PLAC1: variants seen among roughly 807,000 people sequenced by gnomAD.
PLAC1 encodes the protein placenta-specific protein 1.
For missense variants in PLAC1, 136 were observed against 163.2 expected (o/e 0.83, Z 0.91); for synonymous variants, 68 against 62.1 (o/e 1.09, Z -0.44).
intron 2 of PLAC1, among the ~76,000 whole-genome samples, chrX:134,581,769 G>C (rs1044379832): frequency 3.0e-4 from 33 of 110,855 alleles, no homozygotes; most frequent in Non-Finnish European, 5.7e-5. Context: ...GTGAGCCACC[G>C]AGCCCGGCCC....
chrX:134,741,891 T>A (rs972839780), intron 1 of PLAC1, among the ~76,000 whole-genome samples: 3 of 110,941 alleles, frequency 2.7e-5, no homozygotes, highest in Non-Finnish European at 5.7e-5. Context: ...AAGTCAGCCC[T>A]TGCCAGAACT....
chrX:134,648,814 T>C (rs1394751323), intron 1 of PLAC1, among the ~76,000 whole-genome samples: 1 of 112,299 alleles, frequency 8.9e-6, no homozygotes, highest in Admixed American at 9.4e-5. Context: ...GGACCCAGTT[T>C]ACTCAGACTC....
At chrX:134,567,820 G>A (rs1390634886) in intron 2 of PLAC1, among the ~76,000 whole-genome samples, 1 of 100,252 alleles carries the variant, frequency 1.0e-5, no homozygotes, top group Non-Finnish European at 2.0e-5. Flanking sequence ...GAGAGGGAGG[G>A]AGGGAGGGAG....
At chrX:134,671,570 C>A (rs915108732) in intron 2 of PLAC1, among the ~76,000 whole-genome samples, 2 of 109,208 alleles carry the variant, frequency 1.8e-5, no homozygotes, top group Non-Finnish European at 3.8e-5. Flanking sequence ...GAAGCAAGCA[C>A]GTCTTACCAT....
chrX:134,590,728 C>T (rs1322740326), intron 2 of PLAC1, among the ~76,000 whole-genome samples: 1 of 110,880 alleles, frequency 9.0e-6, no homozygotes, highest in Non-Finnish European at 1.9e-5. Context: ...CCACCAGCCT[C>T]CTGGGTAGCT....
intron 2 of PLAC1, among the ~76,000 whole-genome samples, chrX:134,702,735 C>G (rs1189178888): frequency 8.9e-6 from 1 of 111,825 alleles, no homozygotes; most frequent in Non-Finnish European, 1.9e-5. Flanking sequence ...TATGTACCCC[C>G]TGAATCTAAA....
At chrX:134,646,939 T>C (rs1235754589) in intron 1 of PLAC1, among the ~76,000 whole-genome samples, 1 of 111,923 alleles carries the variant, frequency 8.9e-6, no homozygotes, top group African/African-American at 3.3e-5. Flanking sequence ...TAAGCTGGCC[T>C]CAACTGGACA....
intron 1 of PLAC1, among the ~76,000 whole-genome samples, chrX:134,654,903 C>T (rs1294078208): frequency 1.8e-5 from 2 of 112,449 alleles, no homozygotes; most frequent in Non-Finnish European, 3.8e-5. Flanking sequence ...TGGGTCCAAG[C>T]ACTTCCACTT....
chrX:134,634,569 T>C (rs1219266104), intron 1 of PLAC1, among the ~76,000 whole-genome samples: 1 of 112,019 alleles, frequency 8.9e-6, no homozygotes, highest in Non-Finnish European at 1.9e-5. Context: ...ATCTAATTTC[T>C]ATTTGTATGG....
chrX:134,618,790 G>C (rs185253840), intron 1 of PLAC1, among the ~76,000 whole-genome samples: 1 of 111,619 alleles, frequency 9.0e-6, no homozygotes, highest in African/African-American at 3.3e-5. Flanking sequence ...GAGGCTCAGA[G>C]AGATTAAGTG....
At position 134,577,525 on chromosome X, in the gene PLAC1, C is replaced by A. The variant is rs1404979208; in HGVS notation, c.-58-10785G>T. Among the ~76,000 whole-genome samples the A allele has an allele frequency of 1.2e-4, 13 of 111,603 alleles. No individual in the cohort carries two copies. The Admixed American group carries it at 1.2e-3, about 11-fold the overall frequency. ...CCAACATGGTGAAGCCCCGTCTCCA[C>A]TAAAAATGCAAAAATTAGCTGGGCG... On this transcript the variant is annotated intron_variant, in intron 2 of 2. Coordinates refer to ENST00000359237, the MANE Select transcript of PLAC1 (RefSeq NM_021796.4).
At chrX:134,724,375 C>T (rs918002454) in intron 2 of PLAC1, among the ~76,000 whole-genome samples, 1 of 112,042 alleles carries the variant, frequency 8.9e-6, no homozygotes, top group Non-Finnish European at 1.9e-5. Context: ...TCCCTCACTG[C>T]GTGCCAACAT....
intron 2 of PLAC1, among the ~76,000 whole-genome samples, chrX:134,674,528 G>A (rs1382109460): frequency 2.7e-5 from 3 of 112,529 alleles, no homozygotes; most frequent in Non-Finnish European, 5.6e-5. Context: ...GGTTCCTACA[G>A]CATTCAACCC....
chrX:134,673,240 G>A (rs1328730170), intron 2 of PLAC1, among the ~76,000 whole-genome samples: 1 of 104,298 alleles, frequency 9.6e-6, no homozygotes, highest in Admixed American at 1.0e-4. Flanking sequence ...AAGAATGGAG[G>A]AAAGGAGAGA....
intron 2 of PLAC1, among the ~76,000 whole-genome samples, chrX:134,696,857 T>C (rs1285141635): frequency 9.2e-6 from 1 of 108,517 alleles, no homozygotes; most frequent in Non-Finnish European, 1.9e-5. Flanking sequence ...TGAAAACCCA[T>C]CTCTACTAAA....
chrX:134,682,928 C>T (rs961687607), intron 2 of PLAC1, among the ~76,000 whole-genome samples: 11 of 111,648 alleles, frequency 9.9e-5, no homozygotes, highest in Non-Finnish European at 1.9e-4. Flanking sequence ...AAGCCAAACT[C>T]AGTAAGTGGA....
intron 2 of PLAC1, among the ~76,000 whole-genome samples, chrX:134,687,316 T>G (rs894527544): frequency 1.8e-5 from 2 of 111,908 alleles, no homozygotes; most frequent in African/African-American, 3.2e-5. Context: ...GTGGGCCACA[T>G]GTGGCCCAGG....
intron 1 of PLAC1, among the ~76,000 whole-genome samples, chrX:134,753,860 T>C (rs1308837248): frequency 8.9e-6 from 1 of 111,869 alleles, no homozygotes; most frequent in Non-Finnish European, 1.9e-5. Context: ...CTTCTGTGAA[T>C]TGATTTCTCG....
intron 2 of PLAC1, among the ~76,000 whole-genome samples, chrX:134,575,344 A>G (rs771752084): frequency 4.5e-5 from 5 of 110,942 alleles, no homozygotes; most frequent in Non-Finnish European, 7.5e-5. Flanking sequence ...ATCAAAAAAC[A>G]TAACAATTTT....
Sources: allele counts gnomAD v4.1 joint callset (sites outside exome capture counted in the v4.1 genomes callset), GRCh38; gene constraint gnomAD v4.1.1; transcripts MANE v1.5; gene names NCBI Gene and HGNC (gene_info 2026-07-23, HGNC 2026-07-21).